Variants in PALLD observed in about 807,000 individuals in gnomAD.
The protein encoded by PALLD is palladin.
A neutral mutation model predicts 123.5 loss-of-function variants in PALLD; 61 were observed. That is an observed-to-expected ratio of 0.49 (90% CI 0.40 to 0.61). The LOEUF (loss-of-function observed/expected upper bound fraction) is 0.61, where lower values mean the gene tolerates loss of function less well. PALLD is among the 20% of genes least tolerant of loss of function. The probability of loss-of-function intolerance (pLI) is 0.00; values close to 1 mark genes in which losing one functional copy is unlikely to be tolerated. For missense variants in PALLD, 1,273 were observed against 1,377.0 expected (o/e 0.92, Z 1.20); for synonymous variants, 465 against 496.4 (o/e 0.94, Z 0.84).
intron 2 of PALLD, among the ~76,000 whole-genome samples, chr4:168,530,911 C>A (rs1437284346): frequency 6.6e-6 from 1 of 152,234 alleles, no homozygotes; most frequent in Non-Finnish European, 1.5e-5. Context: ...GCTCCAGATT[C>A]TTTTCCCTCT....
chr4:168,662,255 G>A (rs1371947526), intron 2 of PALLD, among the ~76,000 whole-genome samples: 7 of 152,192 alleles, frequency 4.6e-5, no homozygotes, highest in African/African-American at 1.7e-4. Context: ...TTTTACTTGA[G>A]TGGATTCTCT....
intron 8 of PALLD, chr4:168,699,999 T>C: frequency 4.0e-6 from 1 of 250,940 alleles, no homozygotes; most frequent in Non-Finnish European, 8.1e-6. Flanking sequence ...TTCCATTCCT[T>C]ACCAAAATTT....
rs1580400934 is a variant in PALLD, at chr4:168,578,581, T to G, written c.908+66169T>G. Among the ~76,000 whole-genome samples the G allele has an allele frequency of 2.0e-5, 3 of 152,220 alleles. No individual in the cohort carries two copies. The South Asian group carries it at 6.2e-4, about 32-fold the overall frequency. On this transcript the variant is annotated intron_variant, in intron 2 of 21. Coordinates refer to ENST00000505667, the MANE Select transcript of PALLD (RefSeq NM_001166108.2). ...CAACTAAACCTCTTTCCTTTATAAA[T>G]TACTCAGTCTTGGGTATGTCTTTAT...
At chr4:168,710,411 A>G (rs1460160121) in intron 9 of PALLD, among the ~76,000 whole-genome samples, 7 of 152,182 alleles carry the variant, frequency 4.6e-5, no homozygotes, top group Admixed American at 4.6e-4. Flanking sequence ...CAAGCCTGGA[A>G]CATAATGTAC....
intron 2 of PALLD, among the ~76,000 whole-genome samples, chr4:168,556,598 A>T (rs1338884486): frequency 6.6e-6 from 1 of 152,158 alleles, no homozygotes; most frequent in Non-Finnish European, 1.5e-5. Flanking sequence ...TAAAAGCTCA[A>T]ACTATCCATC....
At chr4:168,652,172 G>A (rs1320092633) in intron 2 of PALLD, among the ~76,000 whole-genome samples, 1 of 152,072 alleles carries the variant, frequency 6.6e-6, no homozygotes, top group African/African-American at 2.4e-5. Flanking sequence ...AGTCTTATGT[G>A]TGCACCAATC....
At chr4:168,780,028 AGCTGGGATTACAGGTGTGTGCCACCATGC>A in intron 10 of PALLD, among the ~76,000 whole-genome samples, 1 of 151,870 alleles carries the variant, frequency 6.6e-6, no homozygotes, top group African/African-American at 2.4e-5. Context: ...CCTCCCGAGT[AGCTGGGATTACAGGTGTGTGCCACCATGC>A]CCGACTAATT....
intron 10 of PALLD, among the ~76,000 whole-genome samples, chr4:168,732,083 G>A (rs1379380179): frequency 6.6e-6 from 1 of 152,204 alleles, no homozygotes. Context: ...ACAACCAATG[G>A]AGATATCATT....
At chr4:168,729,237 T>C (rs1786906978) in intron 10 of PALLD, among the ~76,000 whole-genome samples, 1 of 152,138 alleles carries the variant, frequency 6.6e-6, no homozygotes, top group South Asian at 2.1e-4. Flanking sequence ...GCTTTTGCTT[T>C]GGATCTCAAC....
chr4:168,894,358 A>C, intron 11 of PALLD: 4 of 561,152 alleles, frequency 7.1e-6, no homozygotes, highest in East Asian at 3.2e-5. Flanking sequence ...TTTGTGCTGT[A>C]CCAATTGGTG....
At chr4:168,862,337 G>A (rs1289011838) in intron 10 of PALLD, among the ~76,000 whole-genome samples, 5 of 151,312 alleles carry the variant, frequency 3.3e-5, no homozygotes, top group African/African-American at 4.9e-5. Context: ...TAGCATAGAC[G>A]AGGTTTCACT....
At chr4:168,544,313 T>C (rs1278803566) in intron 2 of PALLD, among the ~76,000 whole-genome samples, 1 of 152,260 alleles carries the variant, frequency 6.6e-6, no homozygotes, top group Non-Finnish European at 1.5e-5. Flanking sequence ...GTACCTATTA[T>C]ATGCCTGGCA....
intron 2 of PALLD, among the ~76,000 whole-genome samples, chr4:168,642,069 G>A (rs1028768057): frequency 1.1e-4 from 17 of 152,142 alleles, no homozygotes; most frequent in African/African-American, 3.1e-4. Context: ...GTTTCACCTG[G>A]TGCCTGCTCT....
intron 2 of PALLD, among the ~76,000 whole-genome samples, chr4:168,563,891 A>G (rs1233767634): frequency 6.6e-6 from 1 of 152,338 alleles, no homozygotes; most frequent in South Asian, 2.1e-4. Context: ...TTTATGGGGT[A>G]CAAGTGTAAT....
intron 3 of PALLD, among the ~76,000 whole-genome samples, chr4:168,673,906 G>GTA (rs1435546394): frequency 1.4e-5 from 2 of 144,768 alleles, no homozygotes; most frequent in Non-Finnish European, 3.1e-5. Context: ...GTGTGTGTGT[G>GTA]TGTGTGTGTG....
At chr4:168,609,292 G>C (rs984670518) in intron 2 of PALLD, among the ~76,000 whole-genome samples, 1 of 140,964 alleles carries the variant, frequency 7.1e-6, no homozygotes, top group Non-Finnish European at 1.5e-5. Context: ...ACTGATCCCA[G>C]GAGACAGGAA....
intron 10 of PALLD, among the ~76,000 whole-genome samples, chr4:168,736,993 T>C (rs1460552515): frequency 1.3e-5 from 2 of 152,214 alleles, no homozygotes; most frequent in Non-Finnish European, 2.9e-5. Flanking sequence ...GATTTATATG[T>C]GTGTGTTCTT....
intron 2 of PALLD, among the ~76,000 whole-genome samples, chr4:168,604,580 A>G (rs1315744297): frequency 6.6e-6 from 1 of 152,246 alleles, no homozygotes; most frequent in Non-Finnish European, 1.5e-5. Context: ...GAAGACACAA[A>G]GAGCATATGT....
chr4:168,658,256 G>GT (rs1161162400), intron 2 of PALLD, among the ~76,000 whole-genome samples: 15 of 144,688 alleles, frequency 1.0e-4, no homozygotes, highest in Middle Eastern at 3.3e-3. Context: ...ATAGGTTTTG[G>GT]TTTTTTGTTG....
Sources: gnomAD v4.1 joint callset for allele counts (sites outside exome capture counted in the v4.1 genomes callset) on GRCh38, gnomAD v4.1.1 for gene constraint, MANE v1.5 for transcripts, NCBI Gene and HGNC (gene_info 2026-07-23, HGNC 2026-07-21) for gene names.